The following PRH1 variants were observed in gnomAD, a reference collection of about 807,000 sequenced individuals.
The protein encoded by PRH1 is proline rich protein HaeIII subfamily 1, also known as salivary acidic proline-rich phosphoprotein 1/2.
Under a neutral mutation model 7.9 loss-of-function variants are expected in PRH1, and 7 were observed. The ratio of observed to expected loss-of-function variants is 0.89; its 90% CI spans 0.50 to 1.67. PRH1 has a LOEUF of 1.67. Among genes scored for constraint, PRH1 ranks in the 40% most tolerant of loss-of-function variants. The probability of loss-of-function intolerance (pLI) is 0.00; values close to 1 mark genes in which losing one functional copy is unlikely to be tolerated. For synonymous variants in PRH1, 45 were observed against 80.8 expected, an observed-to-expected ratio of 0.56 and a Z score of 2.38; for missense variants, 109 against 223.6, an observed-to-expected ratio of 0.49 and a Z score of 3.27.
intron 2 of PRH1, among the ~76,000 whole-genome samples, chr12:10,913,454 C>CAA (rs34139542): frequency 3.6e-4 from 52 of 146,230 alleles, no homozygotes; most frequent in Admixed American, 6.1e-4. Flanking sequence ...GACTCCGTCT[C>CAA]AAAAAAAAAA....
chr12:10,900,527 C>G (rs945132661), intron 2 of PRH1, among the ~76,000 whole-genome samples: 3 of 152,072 alleles, frequency 2.0e-5, no homozygotes, highest in Non-Finnish European at 4.4e-5. Flanking sequence ...GAAAAAAAAC[C>G]TTAGCAGCAA....
intron 1 of PRH1, among the ~76,000 whole-genome samples, chr12:11,169,896 A>G (rs1271420225): frequency 6.6e-6 from 1 of 152,214 alleles, no homozygotes; most frequent in African/African-American, 2.4e-5. Flanking sequence ...TAATTTTTAC[A>G]AATTTATCAG....
chr12:10,999,014 G>C (rs1469466983), intron 1 of PRH1, among the ~76,000 whole-genome samples: 1 of 152,030 alleles, frequency 6.6e-6, no homozygotes, highest in African/African-American at 2.4e-5. Flanking sequence ...GCCTGATCCA[G>C]CCTTAAATCG....
chr12:10,970,375 T>C (rs1012259553), intron 2 of PRH1, among the ~76,000 whole-genome samples: 1 of 152,174 alleles, frequency 6.6e-6, no homozygotes, highest in Non-Finnish European at 1.5e-5. Context: ...TACAGTACCA[T>C]AATTTATTGA....
At chr12:11,157,132 G>A (rs1947276894) in intron 1 of PRH1, among the ~76,000 whole-genome samples, 1 of 152,102 alleles carries the variant, frequency 6.6e-6, no homozygotes, top group Non-Finnish European at 1.5e-5. Context: ...CCACACTTTG[G>A]TCAAGAATAG....
intron 1 of PRH1, among the ~76,000 whole-genome samples, chr12:11,070,003 T>G (rs1210966908): frequency 1.3e-5 from 2 of 152,138 alleles, no homozygotes; most frequent in Admixed American, 6.5e-5. Flanking sequence ...TCTGAGACTT[T>G]TAGGTATAGG....
At chr12:11,103,649 G>C (rs1301292305) in intron 1 of PRH1, among the ~76,000 whole-genome samples, 1 of 151,488 alleles carries the variant, frequency 6.6e-6, no homozygotes, top group East Asian at 1.9e-4. Flanking sequence ...TAACAAACCT[G>C]CACATTGTGC....
intron 2 of PRH1, chr12:10,938,848 G>A: frequency 6.2e-7 from 1 of 1,613,614 alleles, no homozygotes; most frequent in Non-Finnish European, 8.5e-7. Flanking sequence ...ACTTTAGGTA[G>A]AGAAAAATAG....
chr12:11,115,948 A>C (rs1415725536), downstream of PRH1, among the ~76,000 whole-genome samples: 2 of 152,068 alleles, frequency 1.3e-5, no homozygotes, highest in African/African-American at 4.8e-5. Context: ...GAAAAGAAGA[A>C]AAACTTGAAA....
chr12:11,109,196 C>T (rs1398485055), intron 1 of PRH1, among the ~76,000 whole-genome samples: 1 of 152,180 alleles, frequency 6.6e-6, no homozygotes, highest in Non-Finnish European at 1.5e-5. Flanking sequence ...AAACTCTCAT[C>T]TCCCTGGGAC....
upstream of PRH1, chr12:11,047,198 G>A: frequency 2.9e-6 from 1 of 341,814 alleles, no homozygotes; most frequent in Non-Finnish European, 6.3e-6. Context: ...CCTATGTCAA[G>A]AAACAAAATA....
At chr12:11,101,423 G>A in intron 1 of PRH1, among the ~76,000 whole-genome samples, 1 of 152,210 alleles carries the variant, frequency 6.6e-6, no homozygotes, top group East Asian at 1.9e-4. Flanking sequence ...CAAGGTGACA[G>A]AGGCTGCATT....
At chr12:11,135,188 T>C (rs564786815) in intron 1 of PRH1, among the ~76,000 whole-genome samples, 2 of 152,294 alleles carry the variant, frequency 1.3e-5, no homozygotes, top group African/African-American at 4.8e-5. Flanking sequence ...CCCTTTGATA[T>C]ATAATCTTGC....
chr12:11,041,869 C>T (rs961769960), intron 1 of PRH1, among the ~76,000 whole-genome samples: 2 of 152,124 alleles, frequency 1.3e-5, no homozygotes, highest in Non-Finnish European at 2.9e-5. Flanking sequence ...CAATATGCTC[C>T]TGAATGACCA....
chr12:11,114,698 C>A (rs1945682917), intron 1 of PRH1, among the ~76,000 whole-genome samples: 1 of 151,928 alleles, frequency 6.6e-6, no homozygotes, highest in Non-Finnish European at 1.5e-5. Context: ...ATACACAGTA[C>A]AATAAGAAAT....
chr12:10,953,998 T>C (rs1937823929), intron 2 of PRH1, among the ~76,000 whole-genome samples: 1 of 152,204 alleles, frequency 6.6e-6, no homozygotes, highest in African/African-American at 2.4e-5. Flanking sequence ...AAGAATTTCA[T>C]ATCCAGCCAA....
chr12:10,974,897 T>C (rs547434030), intron 1 of PRH1, among the ~76,000 whole-genome samples: 6 of 152,176 alleles, frequency 3.9e-5, no homozygotes, highest in Admixed American at 3.3e-4. Flanking sequence ...TTTTAAGGAA[T>C]GCAATAAAAT....
At chr12:11,134,151 A>G (rs756645895) in intron 1 of PRH1, 1 of 1,614,106 alleles carries the variant, frequency 6.2e-7, no homozygotes, top group Admixed American at 1.7e-5. Flanking sequence ...CACTCAATGG[A>G]ATTTACCAAT....
intron 1 of PRH1, among the ~76,000 whole-genome samples, chr12:11,162,062 A>G (rs1947434582): frequency 6.6e-6 from 1 of 152,210 alleles, no homozygotes; most frequent in East Asian, 1.9e-4. Context: ...ATTATTGAAA[A>G]GACTTGAAAT....
Sources: allele counts gnomAD v4.1 joint callset (sites outside exome capture counted in the v4.1 genomes callset), GRCh38; gene constraint gnomAD v4.1.1; transcripts MANE v1.5; gene names NCBI Gene and HGNC (gene_info 2026-07-23, HGNC 2026-07-21).